Variants in SH3TC1 observed in about 807,000 individuals in gnomAD.
SH3TC1 encodes the protein SH3 domain and tetratricopeptide repeats 1, also known as SH3 domain and tetratricopeptide repeat-containing protein 1.
SH3TC1 carries 135 observed loss-of-function variants against 117.3 expected under a neutral mutation model. That is an observed-to-expected ratio of 1.15 (90% CI 1.00 to 1.33). SH3TC1 has a LOEUF of 1.33. SH3TC1 is among the 40% of genes most tolerant of loss of function. The pLI is 0.00. For synonymous variants in SH3TC1, 898 were observed against 816.9 expected, an observed-to-expected ratio of 1.10 and a Z score of -1.69; for missense variants, 2,092 against 1,794.3, an observed-to-expected ratio of 1.17 and a Z score of -3.00.
chr4:8,229,994 C>T (rs1411466493), intron 12 of SH3TC1, among the ~76,000 whole-genome samples: 1 of 142,404 alleles, frequency 7.0e-6, no homozygotes, highest in East Asian at 2.0e-4. Context: ...CCCCACCCCG[C>T]GTTGAACAGT....
intron 1 of SH3TC1, among the ~76,000 whole-genome samples, chr4:8,187,450 T>A (rs1717259382): frequency 1.3e-5 from 2 of 152,292 alleles, no homozygotes; most frequent in South Asian, 4.1e-4. Context: ...TTGGAATTCT[T>A]TTGCCCGGGG....
chr4:8,227,549 A>G lies in SH3TC1; in HGVS notation c.1855A>G (p.Lys619Glu). Residue 619 changes from lysine to glutamate, a missense_variant, in exon 12 of 18, where the codon AAG becomes GAG. By Grantham distance (56) the Lys-to-Glu change is moderately conservative (BLOSUM62 1). Transcript: ENST00000245105. ...TTACCGGAAGCAGAAGAACCGGGAG[A>G]AGTGTGCACAGGTGGTGCCCAAAGC... ...SIYRKQKNRE[K>E]CAQVVPKAMA... The G allele has an allele frequency of 6.5e-7, 1 of 1,529,266 alleles. No homozygotes were observed. Among genetic ancestry groups the G allele is most frequent in the Non-Finnish European group, 8.8e-7 (1 of 1,141,994 alleles). 94.7% of individuals were successfully genotyped at this position (1,529,266 alleles called of 1,614,324 possible).
chr4:8,190,429 C>G lies in SH3TC1; in HGVS notation c.-57+8219C>G, dbSNP rs1016983741. On this transcript the variant is annotated intron_variant, in intron 1 of 16. Coordinates refer to the SH3TC1 transcript ENST00000508641. This position sits in a 1 kb window ranked among gnomAD's most constrained non-coding sequence, Gnocchi z 4.7. ...CCCCTGATTCAGGAAAGTTGGGGCT[C>G]TGAGGAGTTCGGGCCTATGGGATTG... Among the ~76,000 whole-genome samples the G allele has an allele frequency of 6.6e-6, 1 of 152,172 alleles. No homozygotes were observed. Among genetic ancestry groups the G allele is most frequent in the Non-Finnish European group, 1.5e-5 (1 of 68,032 alleles).
chr4:8,211,641 G>A (rs1267233712), intron 3 of SH3TC1, among the ~76,000 whole-genome samples: 2 of 151,010 alleles, frequency 1.3e-5, no homozygotes, highest in Non-Finnish European at 2.9e-5. Context: ...GTCTTGACCT[G>A]GAGGATTGGG....
rs751558209 is a variant in SH3TC1, at chr4:8,240,998, T to A, written c.*43T>A. 1 of 1,585,686 alleles carries A rather than the reference T, an allele frequency of 6.3e-7. No homozygotes were observed. The highest frequency in any genetic ancestry group is 8.6e-7 in the Non-Finnish European group (1 of 1,167,794). On this transcript the variant is annotated 3_prime_UTR_variant, in exon 18 of 18. Coordinates refer to ENST00000245105, the MANE Select transcript of SH3TC1 (RefSeq NM_018986.5). ...GTGGGTTTTGTGCAAGGGCTGGGGG[T>A]CTCCTGCCTCTCCTGGTGTCGCCGG...
intron 13 of SH3TC1, chr4:8,232,863 T>A (rs1721371256): frequency 4.3e-5 from 54 of 1,246,490 alleles, no homozygotes; most frequent in Non-Finnish European, 5.6e-5. Context: ...TCTCAAAGTG[T>A]GGTCCCTGGA....
At chr4:8,217,279 A>G (rs1423244600) in intron 7 of SH3TC1, 112 bp downstream of exon 7, 2 of 1,307,626 alleles carry the variant, frequency 1.5e-6, no homozygotes, top group African/African-American at 1.5e-5. Context: ...CCCCGGACAG[A>G]CCTGGCCATG....
intron 15 of SH3TC1, chr4:8,236,014 T>C (rs905489656): frequency 3.2e-5 from 16 of 506,972 alleles, no homozygotes; most frequent in Non-Finnish European, 5.6e-5. Context: ...CAGAGAGGAG[T>C]GCAGGCTCCC....
chr4:8,232,286 G>T (rs781288388), intron 13 of SH3TC1, 130 bp downstream of exon 13: 2 of 1,453,450 alleles, frequency 1.4e-6, no homozygotes, highest in African/African-American at 1.4e-5. Flanking sequence ...CCTTGGCATC[G>T]GATGCTCTGA....
At chr4:8,230,664 T>TGG (rs1721108837) in intron 12 of SH3TC1, among the ~76,000 whole-genome samples, 1 of 152,154 alleles carries the variant, frequency 6.6e-6, no homozygotes, top group Admixed American at 6.6e-5. Context: ...TTTCTTAAGG[T>TGG]GGAAGGTTGG....
At chr4:8,232,777 A>G (rs1721364926) in intron 13 of SH3TC1, 2 of 1,289,326 alleles carry the variant, frequency 1.6e-6, no homozygotes, top group African/African-American at 3.0e-5. Context: ...CGGATTCCAC[A>G]GGGACCCGGG....
rs1388259805 is a variant in SH3TC1, at chr4:8,227,795, CCA to C, written c.2102_2103del (p.Pro701ArgfsTer14). ...LLLLHRDSGA[P>X]EAAWLSDCYL... ...GCTTTTGCACAGGGACTCGGGAGCC[CCA>C]GAGGCCGCGTGGCTCTCAGACTGCT... is the stretch of plus-strand genomic sequence containing the variant. On this transcript the variant is annotated frameshift_variant, in exon 12 of 18. Coordinates refer to ENST00000245105, the MANE Select transcript of SH3TC1 (RefSeq NM_018986.5). LOFTEE classifies it high-confidence loss of function. 6.2e-7 allele frequency: 1 copy of C among 1,612,756 alleles called. No homozygotes were observed. The highest frequency in any genetic ancestry group is 1.3e-5 in the African/African-American group (1 of 75,060).
intron 12 of SH3TC1, among the ~76,000 whole-genome samples, chr4:8,230,852 G>A (rs1170736008): frequency 2.7e-5 from 4 of 147,434 alleles, no homozygotes; most frequent in Non-Finnish European, 4.4e-5. Flanking sequence ...GTGCAATCTC[G>A]GCTCACTGCA....
rs763853014 is a variant in SH3TC1, at chr4:8,227,908, G to A, written c.2214G>A (p.Arg738=). The change falls in exon 12 of 18, where the codon CGG becomes CGA. Residue 738 remains arginine (R), a synonymous_variant. Coordinates refer to ENST00000245105, the MANE Select transcript of SH3TC1 (RefSeq NM_018986.5). ...SCVKVASLRT[R]GSLAGSLRSV... The stretch of plus-strand genomic sequence containing the variant: ...TCAAGGTGGCCTCATTGCGGACACG[G>A]GGCTCGCTGGCCGGCTCGCTGAGGA... The A allele has an allele frequency of 3.1e-6, 5 of 1,612,660 alleles. No individual in the cohort carries two copies. In the Admixed American group the frequency reaches 6.7e-5, roughly 21 times the overall value.
chr4:8,195,018 C>A (rs1181479380), upstream of SH3TC1, among the ~76,000 whole-genome samples: 1 of 152,140 alleles, frequency 6.6e-6, no homozygotes, highest in Admixed American at 6.5e-5. Context: ...TGGCCCTGGG[C>A]AGGTCATGCC....
At chr4:8,198,101 G>GC (rs560401225), upstream of SH3TC1, among the ~76,000 whole-genome samples, 1 of 152,114 alleles carries the variant, frequency 6.6e-6, no homozygotes, top group African/African-American at 2.4e-5. Context: ...GCACAGGACA[G>GC]CCCCCCGCCC....
At chr4:8,189,833 G>T (rs1206060982) in intron 1 of SH3TC1, among the ~76,000 whole-genome samples, 24 of 152,144 alleles carry the variant, frequency 1.6e-4, no homozygotes, top group Admixed American at 1.6e-3. Flanking sequence ...TGAGCTCCCC[G>T]CACAGAGTGT....
chr4:8,205,057 C>A lies in SH3TC1; in HGVS notation c.-28-110C>A. On this transcript the variant is annotated intron_variant, in intron 1 of 17. Coordinates refer to ENST00000245105, the MANE Select transcript of SH3TC1 (RefSeq NM_018986.5). This position sits in a 1 kb window ranked among gnomAD's most constrained non-coding sequence, Gnocchi z 5.4. Reference sequence around the variant, plus strand: ...AGGGGCTCGCTGGATCTGAAAGGTGCAGGCGCTCAGCAACGCTGGTGTTCT... The same window carrying A: ...AGGGGCTCGCTGGATCTGAAAGGTGAAGGCGCTCAGCAACGCTGGTGTTCT... 1 of 851,358 alleles carries A rather than the reference C, an allele frequency of 1.2e-6. No homozygotes were observed. The highest frequency in any genetic ancestry group is 1.7e-6 in the Non-Finnish European group (1 of 577,292). 52.7% of individuals were successfully genotyped at this position (851,358 alleles called of 1,614,324 possible). A position where few individuals can be genotyped will look rare whatever the true frequency, so the allele number is the denominator to read the frequency against.
chr4:8,237,208 A>G (rs766428792), intron 16 of SH3TC1: 4 of 401,592 alleles, frequency 1.0e-5, no homozygotes, highest in Non-Finnish European at 1.8e-5. Flanking sequence ...CTCCTGGTTA[A>G]AAACAGTGAG....
Sources: gnomAD v4.1 joint callset for allele counts (sites outside exome capture counted in the v4.1 genomes callset) on GRCh38, gnomAD v4.1.1 for gene constraint, Gnocchi (gnomAD v3.1) non-coding constraint, MANE v1.5 for transcripts, NCBI Gene and HGNC (gene_info 2026-07-23, HGNC 2026-07-21) for gene names.